Variants in DMRT1 observed in about 807,000 individuals in gnomAD.
DMRT1 encodes the protein doublesex and mab-3 related transcription factor 1, also known as doublesex- and mab-3-related transcription factor 1.
DMRT1 carries 7 observed loss-of-function variants against 32.3 expected under a neutral mutation model. The observed-to-expected ratio is 0.22, with a 90% CI of 0.12 to 0.41. The LOEUF (loss-of-function observed/expected upper bound fraction) is 0.41, where lower values mean the gene tolerates loss of function less well. DMRT1 is among the 10% of genes least tolerant of loss of function. The pLI, the probability that DMRT1 is intolerant of heterozygous loss-of-function variation, is 1.00. For missense variants in DMRT1, 625 were observed against 500.5 expected (o/e 1.25, Z -2.37); for synonymous variants, 278 against 206.1 (o/e 1.35, Z -2.99).
chr9:957,845 A>G (rs895286051), intron 4 of DMRT1, among the ~76,000 whole-genome samples: 17 of 152,004 alleles, frequency 1.1e-4, no homozygotes, highest in African/African-American at 4.1e-4. Context: ...CACTGGCTCT[A>G]CTAAAAATAC....
rs763197268 is a variant in DMRT1, at chr9:846,947, C to G, written c.355-13C>G. 6.2e-7 allele frequency: 1 copy of G among 1,613,996 alleles called. No individual in the cohort carries two copies. ...GGAGTGCTGGAGGATGACTCATTGT[C>G]GTGTGCTTCCAGGTGGCCCTGAGAA... On this transcript the variant is annotated splice_polypyrimidine_tract_variant and intron_variant, in intron 1 of 4. Coordinates refer to ENST00000382276, the MANE Select transcript of DMRT1 (RefSeq NM_021951.3).
chr9:924,494 C>T (rs963535261), intron 4 of DMRT1, among the ~76,000 whole-genome samples: 2 of 152,166 alleles, frequency 1.3e-5, no homozygotes, highest in Non-Finnish European at 2.9e-5. Flanking sequence ...TCTGTCATCT[C>T]TCATATACTT....
At chr9:850,426 T>C (rs1408966978) in intron 2 of DMRT1, among the ~76,000 whole-genome samples, 2 of 152,184 alleles carry the variant, frequency 1.3e-5, no homozygotes, top group African/African-American at 4.8e-5. Context: ...ATAGCTTATA[T>C]TCATTTTTCA....
chr9:877,871 A>G (rs7875857), intron 2 of DMRT1, among the ~76,000 whole-genome samples: 14,884 of 152,168 alleles, frequency 0.098, 1,018 homozygotes, highest in Admixed American at 0.19. Context: ...TACACCTGGA[A>G]GAGATCTGAA....
At chr9:866,261 G>T (rs1165750735) in intron 2 of DMRT1, among the ~76,000 whole-genome samples, 3 of 150,884 alleles carry the variant, frequency 2.0e-5, no homozygotes, top group East Asian at 3.9e-4. Context: ...AGCAGAACAG[G>T]TAAAGCACCA....
chr9:890,082 C>CGG (rs1817079703), intron 2 of DMRT1, among the ~76,000 whole-genome samples: 6 of 129,772 alleles, frequency 4.6e-5, no homozygotes, highest in African/African-American at 1.5e-4. Flanking sequence ...CGCCACCAAA[C>CGG]GTGTTTTTTT....
chr9:866,617 T>G (rs4742515), intron 2 of DMRT1, among the ~76,000 whole-genome samples: 1 of 152,084 alleles, frequency 6.6e-6, no homozygotes, highest in African/African-American at 2.4e-5. Flanking sequence ...CTCAAGGACG[T>G]TATTGGGCTG....
At chr9:882,527 C>T (rs1240092648) in intron 2 of DMRT1, among the ~76,000 whole-genome samples, 2 of 152,128 alleles carry the variant, frequency 1.3e-5, no homozygotes, top group Non-Finnish European at 2.9e-5. Context: ...TGAGCTCCTC[C>T]AGGCCAGGGT....
intron 3 of DMRT1, among the ~76,000 whole-genome samples, chr9:913,196 T>G: frequency 6.6e-6 from 1 of 152,224 alleles, no homozygotes. Context: ...TGTTTTCTTG[T>G]ACCCTGGCAA....
chr9:949,882 TA>T (rs1316761586), intron 4 of DMRT1, among the ~76,000 whole-genome samples: 1 of 152,246 alleles, frequency 6.6e-6, no homozygotes, highest in Non-Finnish European at 1.5e-5. Flanking sequence ...TTGCAAATGG[TA>T]AGATTTCCTT....
At chr9:864,560 G>A (rs1386469030) in intron 2 of DMRT1, among the ~76,000 whole-genome samples, 1 of 148,168 alleles carries the variant, frequency 6.7e-6, no homozygotes, top group Non-Finnish European at 1.5e-5. Context: ...GTGCAGTGGT[G>A]CGATCTCGGC....
intron 3 of DMRT1, among the ~76,000 whole-genome samples, chr9:911,336 A>C (rs1325991268): frequency 6.6e-6 from 1 of 152,170 alleles, no homozygotes; most frequent in Non-Finnish European, 1.5e-5. Flanking sequence ...GTGAGTTTCA[A>C]AGGCTTCGTT....
rs1819913983 is a variant in DMRT1, at chr9:965,829, C to G, written c.968-2156C>G. Among the ~76,000 whole-genome samples, 1 of 152,222 alleles carries G rather than the reference C, an allele frequency of 6.6e-6. No homozygotes were observed. Among genetic ancestry groups the G allele is most frequent in the Non-Finnish European group, 1.5e-5 (1 of 68,044 alleles). ...CAGAGCACGCCAGAGTCAGCCTAAT[C>G]AGTACAGTGCTGCCCTTGACAGCTT... On this transcript the variant is annotated intron_variant, in intron 4 of 4. Coordinates refer to ENST00000382276, the MANE Select transcript of DMRT1 (RefSeq NM_021951.3). The surrounding 1 kb of genome is among the most constrained non-coding windows in gnomAD (Gnocchi z 4.5).
intron 2 of DMRT1, among the ~76,000 whole-genome samples, chr9:864,822 T>C (rs980903139): frequency 1.3e-5 from 2 of 152,174 alleles, no homozygotes; most frequent in Non-Finnish European, 2.9e-5. Flanking sequence ...TTAACTTCTA[T>C]TCCTCAGTTC....
intron 2 of DMRT1, among the ~76,000 whole-genome samples, chr9:887,810 T>C (rs1366110671): frequency 6.6e-6 from 1 of 152,228 alleles, no homozygotes; most frequent in Non-Finnish European, 1.5e-5. Context: ...CTTTGTAGAT[T>C]TCCCAGTTTG....
At chr9:958,197 C>G (rs1819660161) in intron 4 of DMRT1, among the ~76,000 whole-genome samples, 1 of 152,076 alleles carries the variant, frequency 6.6e-6, no homozygotes, top group African/African-American at 2.4e-5. Flanking sequence ...ATATGAGTCT[C>G]CCAGTAGTAA....
At chr9:876,208 G>T (rs1816493953) in intron 2 of DMRT1, among the ~76,000 whole-genome samples, 1 of 152,200 alleles carries the variant, frequency 6.6e-6, no homozygotes, top group African/African-American at 2.4e-5. Context: ...GCAGCTGGCA[G>T]TGAGGCTGCA....
intron 4 of DMRT1, among the ~76,000 whole-genome samples, chr9:920,480 A>C (rs368954680): frequency 5.3e-5 from 8 of 152,286 alleles, no homozygotes; most frequent in East Asian, 1.9e-4. Flanking sequence ...GCAAGGTGGA[A>C]ATGATCAGTG....
At chr9:889,284 T>A (rs1817051514) in intron 2 of DMRT1, among the ~76,000 whole-genome samples, 2 of 152,248 alleles carry the variant, frequency 1.3e-5, no homozygotes, top group African/African-American at 4.8e-5. Context: ...TTCGGTGGTT[T>A]ATACACATAG....
Sources: allele counts gnomAD v4.1 joint callset (sites outside exome capture counted in the v4.1 genomes callset), GRCh38; gene constraint gnomAD v4.1.1; non-coding constraint Gnocchi (gnomAD v3.1); transcripts MANE v1.5; gene names NCBI Gene and HGNC (gene_info 2026-07-23, HGNC 2026-07-21).